Variants in TOX observed in about 807,000 individuals in gnomAD.
TOX encodes the protein thymocyte selection-associated high mobility group box protein TOX.
Under a neutral mutation model 53.7 loss-of-function variants are expected in TOX, and 11 were observed. That is an observed-to-expected ratio of 0.20 (90% confidence interval 0.13 to 0.34). TOX has a LOEUF of 0.34. Among genes scored for constraint, TOX ranks in the 10% least tolerant of loss-of-function variants. The probability of loss-of-function intolerance (pLI) is 1.00; values close to 1 mark genes in which losing one functional copy is unlikely to be tolerated. For synonymous variants in TOX, 225 were observed against 245.3 expected, an observed-to-expected ratio of 0.92 and a Z score of 0.77; for missense variants, 570 against 664.6, an observed-to-expected ratio of 0.86 and a Z score of 1.56.
intron 1 of TOX, among the ~76,000 whole-genome samples, chr8:59,007,922 C>A (rs1002302736): frequency 3.9e-5 from 6 of 152,160 alleles, no homozygotes; most frequent in African/African-American, 1.4e-4. Flanking sequence ...GAATAGATTT[C>A]TTTCTTAAGA....
chr8:59,119,145 G>T lies in TOX; in HGVS notation c.-158C>A. 3 of 379,620 alleles carry T rather than the reference G, an allele frequency of 7.9e-6. No individual in the cohort carries two copies. 23.5% of individuals were successfully genotyped at this position (379,620 alleles called of 1,614,324 possible). A position where few individuals can be genotyped will look rare whatever the true frequency, so the allele number is the denominator to read the frequency against. ...CCGTTTGTGGTTTGTTTAAGAAGAAGAGGAAAAAAAAAAAAAAGAGGGGGG... is the reference window on the plus strand; with the variant it reads ...CCGTTTGTGGTTTGTTTAAGAAGAATAGGAAAAAAAAAAAAAAGAGGGGGG... On this transcript the variant is annotated 5_prime_UTR_variant, in exon 1 of 9. Coordinates refer to ENST00000361421, the MANE Select transcript of TOX (RefSeq NM_014729.3).
chr8:59,038,369 AAC>A (rs1375639004), intron 1 of TOX, among the ~76,000 whole-genome samples: 1 of 152,226 alleles, frequency 6.6e-6, no homozygotes, highest in African/African-American at 2.4e-5. Flanking sequence ...TAGCAGCAGC[AAC>A]ACAGTTAGGT....
intron 7 of TOX, 64 bp downstream of exon 7, chr8:58,815,274 C>T (rs527375711): frequency 6.6e-6 from 10 of 1,514,862 alleles, no homozygotes; most frequent in Non-Finnish European, 8.0e-6. Flanking sequence ...ACAGCTCCCC[C>T]CACCTCCACC....
At chr8:59,068,233 T>C (rs1804130092) in intron 1 of TOX, among the ~76,000 whole-genome samples, 1 of 151,970 alleles carries the variant, frequency 6.6e-6, no homozygotes, top group Non-Finnish European at 1.5e-5. Context: ...AAATAATAAT[T>C]GTTTAAAAGC....
Position 59,092,264 on chromosome 8 carries a change from T to TATATATATATATATA in TOX, c.102+26621_102+26622insTATATATATATATAT, listed in dbSNP as rs1174716509. On this transcript the variant is annotated intron_variant, in intron 1 of 8. Coordinates refer to ENST00000361421, the MANE Select transcript of TOX (RefSeq NM_014729.3). ...AAGACTCCATCTCATATATATATAT[T>TATATATATATATATA]TTATATATATATATATATTATATAT... is the stretch of plus-strand genomic sequence containing the variant. 3.1e-4 allele frequency among the ~76,000 whole-genome samples: 16 copies of TATATATATATATATA among 51,872 alleles called. 1 individual carries two copies. Among genetic ancestry groups the TATATATATATATATA allele is most frequent in the African/African-American group, 3.0e-3 (16 of 5,312 alleles). The allele number at this position is 51,872 out of a possible 152,430, so 34.0% of individuals were successfully genotyped here.
intron 1 of TOX, among the ~76,000 whole-genome samples, chr8:58,968,847 GA>G (rs1360124798): frequency 1.3e-5 from 2 of 152,144 alleles, no homozygotes; most frequent in Non-Finnish European, 2.9e-5. Flanking sequence ...TATGGGAAGA[GA>G]ATGACAGATG....
intron 1 of TOX, among the ~76,000 whole-genome samples, chr8:59,038,586 T>C (rs571671837): frequency 6.6e-6 from 1 of 152,290 alleles, no homozygotes; most frequent in East Asian, 1.9e-4. Context: ...ACCACAAATG[T>C]CCTTAAAAGT....
chr8:58,960,468 T>C (rs1163538412), intron 1 of TOX, among the ~76,000 whole-genome samples: 1 of 152,150 alleles, frequency 6.6e-6, no homozygotes, highest in African/African-American at 2.4e-5. Context: ...AGAGTTTTCA[T>C]AATAGACTAA....
chr8:59,085,979 C>CTTATT (rs1354608238), intron 1 of TOX, among the ~76,000 whole-genome samples: 1 of 88,824 alleles, frequency 1.1e-5, no homozygotes, highest in African/African-American at 4.4e-5. Context: ...CTTTTCTTTT[C>CTTATT]TTTTTTTTTT....
At chr8:59,062,243 G>A (rs1803998514) in intron 1 of TOX, among the ~76,000 whole-genome samples, 1 of 152,116 alleles carries the variant, frequency 6.6e-6, no homozygotes, top group African/African-American at 2.4e-5. Flanking sequence ...AAAGGAGGAG[G>A]TCCTAACTCC....
intron 3 of TOX, among the ~76,000 whole-genome samples, chr8:58,929,053 C>T (rs1262955437): frequency 1.3e-5 from 2 of 151,942 alleles, no homozygotes; most frequent in Non-Finnish European, 1.5e-5. Flanking sequence ...TTTTGCCTAT[C>T]AAAAATAAAA....
At chr8:58,848,636 G>A (rs1810758805) in intron 4 of TOX, among the ~76,000 whole-genome samples, 2 of 152,026 alleles carry the variant, frequency 1.3e-5, no homozygotes, top group South Asian at 2.1e-4. Context: ...TTACAAATAC[G>A]GGATTACAGG....
chr8:59,037,632 T>C (rs1803492986), intron 1 of TOX, among the ~76,000 whole-genome samples: 1 of 151,932 alleles, frequency 6.6e-6, no homozygotes, highest in Non-Finnish European at 1.5e-5. Context: ...TGAAACCTCA[T>C]CTCTCCTAAA....
intron 3 of TOX, among the ~76,000 whole-genome samples, chr8:58,911,874 G>A (rs566216352): frequency 6.6e-6 from 1 of 152,146 alleles, no homozygotes; most frequent in African/African-American, 2.4e-5. Context: ...AGCGACTTTT[G>A]TATTTTTAGT....
At chr8:58,834,425 C>T (rs1022130771) in intron 5 of TOX, among the ~76,000 whole-genome samples, 3 of 152,270 alleles carry the variant, frequency 2.0e-5, no homozygotes, top group Admixed American at 6.5e-5. Context: ...GCTCCAGGAA[C>T]GTTCTTTTAA....
At chr8:58,811,071 A>G (rs1035835354) in intron 7 of TOX, among the ~76,000 whole-genome samples, 5 of 152,232 alleles carry the variant, frequency 3.3e-5, no homozygotes, top group African/African-American at 1.2e-4. Flanking sequence ...CAAAGCCTGA[A>G]GTAATATTAT....
At chr8:59,046,097 T>C (rs565137314) in intron 1 of TOX, among the ~76,000 whole-genome samples, 1 of 152,298 alleles carries the variant, frequency 6.6e-6, no homozygotes, top group South Asian at 2.1e-4. Flanking sequence ...CTATAACAGT[T>C]ACAGAGACCT....
chr8:59,064,295 T>C (rs1435416121), intron 1 of TOX, among the ~76,000 whole-genome samples: 1 of 152,236 alleles, frequency 6.6e-6, no homozygotes, highest in East Asian at 1.9e-4. Context: ...ACCTGGGTGA[T>C]CGTATAGTCC....
At chr8:58,886,940 A>G (rs1256488613) in intron 3 of TOX, among the ~76,000 whole-genome samples, 2 of 151,930 alleles carry the variant, frequency 1.3e-5, no homozygotes, top group East Asian at 1.9e-4. Flanking sequence ...TATGAGAATT[A>G]TCAGGAAACA....
Sources: gnomAD v4.1 joint callset for allele counts (sites outside exome capture counted in the v4.1 genomes callset) on GRCh38, gnomAD v4.1.1 for gene constraint, MANE v1.5 for transcripts, NCBI Gene and HGNC (gene_info 2026-07-23, HGNC 2026-07-21) for gene names.